FRY: variants seen among roughly 807,000 people sequenced by gnomAD.
FRY encodes the protein FRY microtubule binding protein.
In FRY, 128 loss-of-function variants were observed where a neutral mutation model predicts 348.4. The ratio of observed to expected loss-of-function variants is 0.37; its 90% CI spans 0.32 to 0.43. The LOEUF is 0.43. Ranked by LOEUF, FRY falls within the 20% of genes least tolerant of loss-of-function variation. FRY has a pLI of 1.00. For synonymous variants in FRY, 1,370 were observed against 1,374.7 expected (o/e 1.00, Z 0.08); for missense variants, 2,736 against 3,695.2 (o/e 0.74, Z 6.73).
chr13:32,041,874 A>G (rs924308006), intron 1 of FRY, among the ~76,000 whole-genome samples: 1 of 152,232 alleles, frequency 6.6e-6, no homozygotes, highest in African/African-American at 2.4e-5. Context: ...TTGAGAGATC[A>G]ATTTTTGAAG....
intron 1 of FRY, among the ~76,000 whole-genome samples, chr13:32,052,714 A>G (rs1376487228): frequency 6.6e-6 from 1 of 152,240 alleles, no homozygotes; most frequent in African/African-American, 2.4e-5. Context: ...TTGAAAAAGT[A>G]CTTTCATATA....
intron 8 of FRY, among the ~76,000 whole-genome samples, chr13:32,134,011 T>C (rs759016664): frequency 2.0e-5 from 3 of 152,080 alleles, no homozygotes; most frequent in Non-Finnish European, 4.4e-5. Context: ...AATTCTGGGC[T>C]CAAACGATCT....
At chr13:32,236,683 C>T (rs9590848) in intron 43 of FRY, among the ~76,000 whole-genome samples, 3,607 of 151,986 alleles carry the variant, frequency 0.024, 145 homozygotes, top group African/African-American at 0.082. Flanking sequence ...AAATTATTCA[C>T]GACTCTATAT....
intron 7 of FRY, 148 bp from the exon 8 acceptor site, chr13:32,131,524 A>C (rs1004861631): frequency 6.1e-6 from 4 of 657,156 alleles, no homozygotes; most frequent in African/African-American, 1.8e-5. Flanking sequence ...AATCCCAAAC[A>C]CCAAATCCTT....
chr13:32,124,928 C>T (rs751182691), intron 7 of FRY, 53 bp downstream of exon 7: 14 of 1,289,390 alleles, frequency 1.1e-5, no homozygotes, highest in East Asian at 9.2e-5. Flanking sequence ...TTTCACTGTC[C>T]TTCCAGCCCT....
intron 2 of FRY, among the ~76,000 whole-genome samples, chr13:32,083,380 A>C (rs1384108379): frequency 6.6e-6 from 1 of 152,054 alleles, no homozygotes; most frequent in Non-Finnish European, 1.5e-5. Flanking sequence ...ATCACCTTGA[A>C]TGTGTCTTTA....
chr13:32,133,772 T>TC (rs1879526727), intron 8 of FRY, among the ~76,000 whole-genome samples: 1 of 137,998 alleles, frequency 7.2e-6, no homozygotes, highest in Non-Finnish European at 1.6e-5. Context: ...TTCTTTCTTT[T>TC]TTTTTTTTTT....
intron 15 of FRY, 79 bp from the exon 16 acceptor site, chr13:32,157,194 A>G (rs528790744): frequency 1.4e-6 from 2 of 1,403,972 alleles, no homozygotes; most frequent in South Asian, 2.3e-5. Context: ...TTCAGTAAAA[A>G]ATATTATAGA....
At chr13:32,289,867 C>T (rs1006254613) in intron 59 of FRY, 124 bp downstream of exon 59, 2 of 703,110 alleles carry the variant, frequency 2.8e-6, no homozygotes, top group Admixed American at 2.0e-5. Flanking sequence ...TTTGCTCAAA[C>T]ACAATTCTGA....
intron 2 of FRY, among the ~76,000 whole-genome samples, chr13:32,090,473 G>C (rs1036661722): frequency 6.6e-6 from 1 of 152,062 alleles, no homozygotes; most frequent in East Asian, 1.9e-4. Flanking sequence ...AGAAGGGAAG[G>C]GTGGAAGACA....
intron 47 of FRY, among the ~76,000 whole-genome samples, chr13:32,246,708 A>G (rs1006727247): frequency 6.6e-6 from 1 of 152,164 alleles, no homozygotes; most frequent in Non-Finnish European, 1.5e-5. Context: ...GGGGCCATTG[A>G]GATAGTCCAG....
chr13:32,058,666 T>C (rs186900030), intron 1 of FRY, among the ~76,000 whole-genome samples: 235 of 152,342 alleles, frequency 1.5e-3, no homozygotes, highest in Non-Finnish European at 1.1e-3. Flanking sequence ...CAAGATTATG[T>C]CTAATATAGG....
chr13:32,053,482 A>G (rs9533281), intron 1 of FRY, among the ~76,000 whole-genome samples: 5,936 of 152,308 alleles, frequency 0.039, 130 homozygotes, highest in African/African-American at 0.055. Context: ...TTCTTTATGT[A>G]TACACCTGAC....
At position 32,178,293 on chromosome 13, in the gene FRY, G is replaced by A. The variant is rs1351799015; in HGVS notation, c.2538G>A (p.Gln846=). ...KSPSHVWIFA[Q]SVKDPWVLCL... is the part of the protein sequence containing the mutation. The stretch of plus-strand genomic sequence containing the variant: ...CTTCCCATGTCTGGATATTTGCACA[G>A]TCTGTCAAAGACCCCTGGGTCCTCT... The change falls in exon 21 of 61, where the codon CAG becomes CAA. Residue 846 remains glutamine (Q), a synonymous_variant. Transcript: ENST00000542859. 1.2e-6 allele frequency: 2 copies of A among 1,614,210 alleles called. No homozygotes were observed. Among genetic ancestry groups the A allele is most frequent in the Admixed American group, 1.7e-5 (1 of 60,024 alleles).
At chr13:32,067,618 A>G (rs375850961) in intron 1 of FRY, among the ~76,000 whole-genome samples, 9 of 152,342 alleles carry the variant, frequency 5.9e-5, no homozygotes, top group South Asian at 2.1e-4. Flanking sequence ...TTTTGAACAA[A>G]TGATGTTTTC....
chr13:32,291,161 T>C (rs1365843666), intron 59 of FRY, among the ~76,000 whole-genome samples: 1 of 151,262 alleles, frequency 6.6e-6, no homozygotes, highest in Non-Finnish European at 1.5e-5. Flanking sequence ...CCTCACCGTC[T>C]AAGAGCAGAA....
At chr13:32,262,220 A>C in intron 52 of FRY, 94 bp from the exon 53 acceptor site, 1 of 978,272 alleles carries the variant, frequency 1.0e-6, no homozygotes, top group East Asian at 2.5e-5. Flanking sequence ...AAGTTAAAAA[A>C]TTAAGACGTA....
At chr13:32,169,492 G>A (rs1881934307) in intron 17 of FRY, among the ~76,000 whole-genome samples, 2 of 152,168 alleles carry the variant, frequency 1.3e-5, no homozygotes. Context: ...GAGGCTTAGA[G>A]ATTAAGTGAC....
intron 1 of FRY, among the ~76,000 whole-genome samples, chr13:32,060,671 G>A (rs1209547485): frequency 6.6e-6 from 1 of 152,166 alleles, no homozygotes; most frequent in Non-Finnish European, 1.5e-5. Flanking sequence ...GTTAGATCCA[G>A]GGGGCAGCGT....
Sources: gnomAD v4.1 joint callset for allele counts (sites outside exome capture counted in the v4.1 genomes callset) on GRCh38, gnomAD v4.1.1 for gene constraint, MANE v1.5 for transcripts, NCBI Gene and HGNC (gene_info 2026-07-23, HGNC 2026-07-21) for gene names.